The following CCDC33 variants were observed in gnomAD, a reference collection of about 807,000 sequenced individuals.
CCDC33 encodes the protein coiled-coil domain containing 33.
Under a neutral mutation model 91.9 loss-of-function variants are expected in CCDC33, and 94 were observed. That is an observed-to-expected ratio of 1.02 (90% CI 0.87 to 1.21). CCDC33 has a LOEUF of 1.21. Among genes scored for constraint, CCDC33 ranks in the 50% most tolerant of loss-of-function variants. The pLI, the probability that CCDC33 is intolerant of heterozygous loss-of-function variation, is 0.00. For synonymous variants in CCDC33, 396 were observed against 374.5 expected (o/e 1.06, Z -0.66); for missense variants, 940 against 935.5 (o/e 1.00, Z -0.06).
chr15:74,317,316 G>A (rs2060106379), intron 11 of CCDC33, among the ~76,000 whole-genome samples: 1 of 152,180 alleles, frequency 6.6e-6, no homozygotes, highest in Admixed American at 6.5e-5. Context: ...AGCCCAGATC[G>A]CGCCACTGTA....
chr15:74,302,409 C>T (rs2059812758), intron 11 of CCDC33: 2 of 152,260 alleles, frequency 1.3e-5, no homozygotes, highest in African/African-American at 4.8e-5. Flanking sequence ...CCCCTTTCCT[C>T]GCAGGCAGGC....
At chr15:74,225,224 C>T (rs946475495) in intron 2 of CCDC33, among the ~76,000 whole-genome samples, 3 of 151,718 alleles carry the variant, frequency 2.0e-5, no homozygotes, top group African/African-American at 7.3e-5. Context: ...CCCAACCAGA[C>T]CAGCCCCAGC....
intron 1 of CCDC33, chr15:74,203,169 G>C: frequency 1.0e-6 from 1 of 985,460 alleles, no homozygotes. Context: ...CTTCTCCTAG[G>C]GTTTCCATGA....
At chr15:74,225,027 C>T (rs1292438468) in intron 2 of CCDC33, among the ~76,000 whole-genome samples, 4 of 151,974 alleles carry the variant, frequency 2.6e-5, no homozygotes, top group Non-Finnish European at 5.9e-5. Flanking sequence ...TTGTTGTAAC[C>T]GAACACACCA....
At chr15:74,246,682 T>C (rs980741706) in intron 2 of CCDC33, among the ~76,000 whole-genome samples, 1 of 152,010 alleles carries the variant, frequency 6.6e-6, no homozygotes, top group Non-Finnish European at 1.5e-5. Context: ...TTGGTGCGGG[T>C]GTGGAGAAAA....
chr15:74,214,712 A>G (rs1323015497), upstream of CCDC33, among the ~76,000 whole-genome samples: 5 of 151,924 alleles, frequency 3.3e-5, no homozygotes, highest in Non-Finnish European at 7.4e-5. Context: ...CAACACTGGT[A>G]CCCTCCCTCC....
At chr15:74,324,532 G>T (rs1358944517) in intron 11 of CCDC33, among the ~76,000 whole-genome samples, 1 of 151,938 alleles carries the variant, frequency 6.6e-6, no homozygotes. Context: ...TGCTCTCGCC[G>T]CTTTTCCTCC....
At chr15:74,295,686 T>C in intron 10 of CCDC33, 68 bp from the exon 11 acceptor site, 1 of 1,365,798 alleles carries the variant, frequency 7.3e-7, no homozygotes, top group South Asian at 1.4e-5. Flanking sequence ...GTGTAGATGG[T>C]GTGCTTATGG....
At chr15:74,335,833 C>A in intron 18 of CCDC33, 92 bp from the exon 19 acceptor site, 1 of 981,490 alleles carries the variant, frequency 1.0e-6, no homozygotes, top group Non-Finnish European at 1.6e-6. Context: ...ATTCTGGATA[C>A]TCTGAGGCCT....
intron 5 of CCDC33, among the ~76,000 whole-genome samples, chr15:74,270,396 A>G (rs1472886340): frequency 1.3e-5 from 2 of 152,138 alleles, no homozygotes; most frequent in African/African-American, 4.8e-5. Flanking sequence ...GGAGTAAAAG[A>G]GTCTGGAGCA....
At chr15:74,335,442 C>T in intron 18 of CCDC33, 1 of 530,126 alleles carries the variant, frequency 1.9e-6, no homozygotes, top group Non-Finnish European at 3.4e-6. Flanking sequence ...GCTTGTGGCC[C>T]TACCCCCCTG....
chr15:74,326,158 T>A (rs2060306354), intron 11 of CCDC33, among the ~76,000 whole-genome samples: 2 of 152,014 alleles, frequency 1.3e-5, no homozygotes, highest in Admixed American at 6.5e-5. Context: ...GGCCCCATCT[T>A]TACAAAAAAT....
intron 10 of CCDC33, among the ~76,000 whole-genome samples, chr15:74,287,026 A>G (rs1222657695): frequency 6.6e-6 from 1 of 152,236 alleles, no homozygotes; most frequent in African/African-American, 2.4e-5. Context: ...GTGGCCACTT[A>G]GCAAATATAG....
intron 1 of CCDC33, chr15:74,243,779 T>G (rs900434320): frequency 9.7e-6 from 6 of 619,036 alleles, no homozygotes; most frequent in Admixed American, 4.3e-5. Flanking sequence ...ATCCCGTCTC[T>G]ACTAAAAATA....
chr15:74,221,736 A>G (rs529495043), intron 2 of CCDC33, among the ~76,000 whole-genome samples: 4 of 152,224 alleles, frequency 2.6e-5, no homozygotes, highest in Admixed American at 1.3e-4. Context: ...GGGGCTGCAG[A>G]GGGAATTTAC....
At position 74,316,797 on chromosome 15, in the gene CCDC33, C is replaced by T. The variant is rs774235807; in HGVS notation, c.1291-13392C>T. ...TCTGGAGCCACTCTTATATGCCAGA[C>T]GCTGCTCGGACGTGTACACTCGCAG... On this transcript the variant is annotated intron_variant, in intron 11 of 18. Transcript: ENST00000398814. This position sits in a 1 kb window ranked among gnomAD's most constrained non-coding sequence, Gnocchi z 4.7. Among the ~76,000 whole-genome samples, 6 of 152,160 alleles carry T rather than the reference C, an allele frequency of 3.9e-5. No homozygotes were observed. Among genetic ancestry groups the T allele is most frequent in the Non-Finnish European group, 5.9e-5 (4 of 68,028 alleles).
chr15:74,256,423 G>A (rs1051771903), intron 2 of CCDC33, among the ~76,000 whole-genome samples: 1 of 60,448 alleles, frequency 1.7e-5, no homozygotes, highest in Non-Finnish European at 3.0e-5. Context: ...CGGGAGAAAG[G>A]GGGTACTCGA....
At chr15:74,223,274 G>A (rs935477671) in intron 2 of CCDC33, among the ~76,000 whole-genome samples, 3 of 152,146 alleles carry the variant, frequency 2.0e-5, no homozygotes, top group Admixed American at 6.5e-5. Flanking sequence ...GGAAAGAGAG[G>A]CTCTAGAAAG....
chr15:74,277,294 G>A (rs2076474423), intron 7 of CCDC33, among the ~76,000 whole-genome samples: 1 of 152,224 alleles, frequency 6.6e-6, no homozygotes, highest in South Asian at 2.1e-4. Flanking sequence ...TAGATCCCTA[G>A]AGACCCCAGC....
Sources: gnomAD v4.1 joint callset for allele counts (sites outside exome capture counted in the v4.1 genomes callset) on GRCh38, gnomAD v4.1.1 for gene constraint, Gnocchi (gnomAD v3.1) non-coding constraint, MANE v1.5 for transcripts, NCBI Gene and HGNC (gene_info 2026-07-23, HGNC 2026-07-21) for gene names.